The following NPAS3 variants were observed in gnomAD, a reference collection of about 807,000 sequenced individuals.
NPAS3 encodes the protein neuronal PAS domain protein 3, also known as neuronal PAS domain-containing protein 3.
NPAS3 carries 14 observed loss-of-function variants against 73.1 expected under a neutral mutation model. The ratio of observed to expected loss-of-function variants is 0.19; its 90% CI spans 0.13 to 0.30. NPAS3 has a LOEUF of 0.30. Among genes scored for constraint, NPAS3 ranks in the 10% least tolerant of loss-of-function variants. NPAS3 has a pLI of 1.00. For synonymous variants in NPAS3, 620 were observed against 541.5 expected (o/e 1.14, Z -2.01); for missense variants, 1,096 against 1,250.0 (o/e 0.88, Z 1.86).
chr14:33,534,884 T>C (rs1326227307), intron 4 of NPAS3, among the ~76,000 whole-genome samples: 1 of 152,112 alleles, frequency 6.6e-6, no homozygotes, highest in African/African-American at 2.4e-5. Flanking sequence ...ACAGTGGGAA[T>C]GGACTGCCTC....
intron 2 of NPAS3, among the ~76,000 whole-genome samples, chr14:33,159,365 G>A (rs1276672819): frequency 6.6e-6 from 1 of 151,878 alleles, no homozygotes; most frequent in Admixed American, 6.6e-5. Context: ...GTAATTTGGG[G>A]GCTGTGGTTA....
At chr14:33,298,197 G>A (rs2042383189) in intron 3 of NPAS3, among the ~76,000 whole-genome samples, 1 of 152,102 alleles carries the variant, frequency 6.6e-6, no homozygotes, top group Non-Finnish European at 1.5e-5. Context: ...ACAGGAGAAT[G>A]GCTGGAACCG....
chr14:33,403,524 T>C (rs900392318), intron 4 of NPAS3, among the ~76,000 whole-genome samples: 1 of 152,124 alleles, frequency 6.6e-6, no homozygotes, highest in Admixed American at 6.6e-5. Context: ...ATGTCAGACA[T>C]GCAGCTTTAC....
intron 1 of NPAS3, among the ~76,000 whole-genome samples, chr14:33,026,889 CT>C (rs1335840991): frequency 6.6e-6 from 1 of 152,128 alleles, no homozygotes; most frequent in Non-Finnish European, 1.5e-5. Flanking sequence ...ACCCCTTTCC[CT>C]TTTTTCCCCC....
intron 1 of NPAS3, among the ~76,000 whole-genome samples, chr14:33,022,054 C>T (rs2039617187): frequency 6.6e-6 from 1 of 152,212 alleles, no homozygotes; most frequent in Non-Finnish European, 1.5e-5. Flanking sequence ...AAACCCTGTA[C>T]TTTTCCCACC....
At chr14:33,735,364 G>A (rs769853726) in intron 7 of NPAS3, 32 bp downstream of exon 7, 3 of 1,435,596 alleles carry the variant, frequency 2.1e-6, no homozygotes, top group East Asian at 4.5e-5. Flanking sequence ...AGACATTGCT[G>A]TCTCAGGCCA....
chr14:32,985,611 G>A (rs1235292810), intron 1 of NPAS3, among the ~76,000 whole-genome samples: 16 of 151,990 alleles, frequency 1.1e-4, no homozygotes, highest in Admixed American at 1.0e-3. Flanking sequence ...ATGCCAGCTA[G>A]GTATTATGTT....
At chr14:33,369,448 C>T (rs896707110) in intron 4 of NPAS3, among the ~76,000 whole-genome samples, 3 of 127,154 alleles carry the variant, frequency 2.4e-5, no homozygotes, top group East Asian at 2.0e-4. Flanking sequence ...TATTCTGTGT[C>T]GCTTCAGAAT....
At chr14:33,748,334 A>G (rs113703164) in intron 7 of NPAS3, among the ~76,000 whole-genome samples, 20 of 152,320 alleles carry the variant, frequency 1.3e-4, no homozygotes, top group Non-Finnish European at 2.1e-4. Flanking sequence ...AAAAGCCTAT[A>G]CTAATGGTTG....
At chr14:33,244,651 T>C (rs2048319122) in intron 3 of NPAS3, among the ~76,000 whole-genome samples, 1 of 152,204 alleles carries the variant, frequency 6.6e-6, no homozygotes, top group Non-Finnish European at 1.5e-5. Context: ...TGAGGCTAAA[T>C]GGCCTCTAAG....
chr14:33,569,612 T>C (rs950774366), intron 5 of NPAS3, among the ~76,000 whole-genome samples: 1 of 151,070 alleles, frequency 6.6e-6, no homozygotes, highest in African/African-American at 2.4e-5. Flanking sequence ...TGCTTTGCCA[T>C]GGAAACAAAA....
intron 6 of NPAS3, among the ~76,000 whole-genome samples, chr14:33,709,872 G>A (rs746672465): frequency 3.3e-5 from 5 of 152,106 alleles, no homozygotes; most frequent in African/African-American, 2.4e-5. Context: ...ATCATGCTGG[G>A]ATTTTTACAG....
intron 3 of NPAS3, among the ~76,000 whole-genome samples, chr14:33,235,285 C>A (rs376835196): frequency 2.0e-5 from 3 of 151,956 alleles, no homozygotes; most frequent in African/African-American, 7.3e-5. Flanking sequence ...TACCTGCACG[C>A]GTTAATTAAG....
chr14:33,044,405 T>A lies in NPAS3; in HGVS notation c.51-11500T>A, dbSNP rs148516314. ...ATACTTCTATTAGACACAAAGGCCATGCCTCTTGAAAAACCTGAACATTTT... is the reference window on the plus strand; with the variant it reads ...ATACTTCTATTAGACACAAAGGCCAAGCCTCTTGAAAAACCTGAACATTTT... On this transcript the variant is annotated intron_variant, in intron 1 of 11. Coordinates refer to ENST00000356141, the Ensembl canonical transcript of NPAS3. Among the ~76,000 whole-genome samples, 391 of 152,332 alleles carry A rather than the reference T, an allele frequency of 2.6e-3. 3 individuals carry two copies. The highest frequency in any genetic ancestry group is 8.3e-3 in the African/African-American group (343 of 41,572).
At chr14:33,197,174 G>A (rs558307449) in intron 2 of NPAS3, among the ~76,000 whole-genome samples, 5 of 151,784 alleles carry the variant, frequency 3.3e-5, no homozygotes, top group African/African-American at 9.7e-5. Flanking sequence ...TTACTGTATC[G>A]CATATACAGG....
chr14:33,424,195 T>C (rs1350938046), intron 4 of NPAS3, among the ~76,000 whole-genome samples: 1 of 151,812 alleles, frequency 6.6e-6, no homozygotes, highest in Non-Finnish European at 1.5e-5. Context: ...AAGAGATAAG[T>C]TGGAGTTGAC....
At chr14:33,495,943 A>G (rs1566950009) in intron 4 of NPAS3, among the ~76,000 whole-genome samples, 1 of 152,132 alleles carries the variant, frequency 6.6e-6, no homozygotes, top group Non-Finnish European at 1.5e-5. Context: ...AACAAAATAG[A>G]TAGACTGCTA....
At chr14:33,247,048 A>G (rs1175264114) in intron 3 of NPAS3, among the ~76,000 whole-genome samples, 1 of 151,942 alleles carries the variant, frequency 6.6e-6, no homozygotes, top group African/African-American at 2.4e-5. Context: ...AGAGAAAGAA[A>G]GAAAGAAAAA....
At position 33,427,072 on chromosome 14, in the gene NPAS3, T is replaced by A. The variant is rs1027724588; in HGVS notation, c.468+59804T>A. Among the ~76,000 whole-genome samples the A allele has an allele frequency of 2.0e-5, 3 of 152,086 alleles. No homozygotes were observed. The South Asian group carries it at 6.2e-4, about 32-fold the overall frequency. On this transcript the variant is annotated intron_variant, in intron 4 of 11. Coordinates refer to ENST00000356141, the Ensembl canonical transcript of NPAS3. ...ATATGTATAATATAAGATAGAACACTGACTTTTATCCAGCTGGACTTTTTG... is the reference window on the plus strand; with the variant it reads ...ATATGTATAATATAAGATAGAACACAGACTTTTATCCAGCTGGACTTTTTG...
Sources: gnomAD v4.1 joint callset for allele counts (sites outside exome capture counted in the v4.1 genomes callset) on GRCh38, gnomAD v4.1.1 for gene constraint, MANE v1.5 for transcripts, NCBI Gene and HGNC (gene_info 2026-07-23, HGNC 2026-07-21) for gene names.